Variants in TMOD1 observed in about 807,000 individuals in gnomAD.
TMOD1 encodes the protein tropomodulin 1.
Under a neutral mutation model 40.6 loss-of-function variants are expected in TMOD1, and 17 were observed. That is an observed-to-expected ratio of 0.42 (90% CI 0.29 to 0.63). The LOEUF (loss-of-function observed/expected upper bound fraction) is 0.63, where lower values mean the gene tolerates loss of function less well. Among genes scored for constraint, TMOD1 ranks in the 20% least tolerant of loss-of-function variants. TMOD1 has a pLI of 0.22. For missense variants in TMOD1, 391 were observed against 447.6 expected (o/e 0.87, Z 1.14); for synonymous variants, 181 against 175.0 (o/e 1.03, Z -0.27).
At chr9:97,532,903 C>A (rs1052882536) in intron 2 of TMOD1, among the ~76,000 whole-genome samples, 1 of 152,198 alleles carries the variant, frequency 6.6e-6, no homozygotes, top group Admixed American at 6.5e-5. Flanking sequence ...AAAGCAACAG[C>A]AAAACCAGTG....
chr9:97,546,984 AT>A (rs1830371519), intron 3 of TMOD1, among the ~76,000 whole-genome samples: 1 of 150,782 alleles, frequency 6.6e-6, no homozygotes, highest in South Asian at 2.1e-4. Context: ...AGCAGGGACC[AT>A]CCTATGCAAA....
chr9:97,518,568 C>A (rs978361604), intron 1 of TMOD1, among the ~76,000 whole-genome samples: 2 of 152,234 alleles, frequency 1.3e-5, no homozygotes, highest in Non-Finnish European at 2.9e-5. Context: ...TCTTGGGCCA[C>A]CTTGGGACCT....
At chr9:97,566,043 C>T in intron 7 of TMOD1, 88 bp downstream of exon 7, 1 of 1,167,148 alleles carries the variant, frequency 8.6e-7, no homozygotes, top group Non-Finnish European at 1.3e-6. Context: ...GGTTGTATCC[C>T]ACTAACAAAG....
intron 8 of TMOD1, among the ~76,000 whole-genome samples, chr9:97,574,961 T>G (rs1028010504): frequency 2.0e-5 from 3 of 152,112 alleles, no homozygotes; most frequent in African/African-American, 7.2e-5. Flanking sequence ...ACCAGTCGGC[T>G]CTCTGTAAAA....
At chr9:97,543,959 C>T (rs1830315466) in intron 2 of TMOD1, among the ~76,000 whole-genome samples, 1 of 152,128 alleles carries the variant, frequency 6.6e-6, no homozygotes, top group Non-Finnish European at 1.5e-5. Flanking sequence ...TCCTGATGCC[C>T]CCCACCCCAA....
At chr9:97,510,462 C>T (rs573443810) in intron 1 of TMOD1, among the ~76,000 whole-genome samples, 1 of 152,278 alleles carries the variant, frequency 6.6e-6, no homozygotes, top group East Asian at 1.9e-4. Flanking sequence ...AACTCCTGAC[C>T]TCAGGGGATC....
intron 2 of TMOD1, among the ~76,000 whole-genome samples, chr9:97,535,242 A>T (rs1486956816): frequency 6.6e-6 from 1 of 152,084 alleles, no homozygotes; most frequent in Non-Finnish European, 1.5e-5. Context: ...GAAGCAGGAA[A>T]CCAGCCAGGA....
intron 8 of TMOD1, among the ~76,000 whole-genome samples, chr9:97,586,850 C>T (rs971686184): frequency 3.9e-5 from 6 of 152,212 alleles, no homozygotes; most frequent in Non-Finnish European, 7.3e-5. Flanking sequence ...GGCAATGCCT[C>T]GCCCTGCTTC....
chr9:97,525,782 A>T (rs544309321), intron 2 of TMOD1, among the ~76,000 whole-genome samples: 1 of 152,304 alleles, frequency 6.6e-6, no homozygotes, highest in East Asian at 1.9e-4. Flanking sequence ...TTGCTCATTG[A>T]TTCAGAGTCA....
At chr9:97,586,270 C>T (rs181573272) in intron 8 of TMOD1, among the ~76,000 whole-genome samples, 5 of 152,184 alleles carry the variant, frequency 3.3e-5, no homozygotes, top group South Asian at 2.1e-4. Context: ...TGCTGTGTGA[C>T]GTGTCAGTGT....
intron 1 of TMOD1, among the ~76,000 whole-genome samples, chr9:97,508,851 G>C (rs1033090291): frequency 6.6e-6 from 1 of 152,234 alleles, no homozygotes; most frequent in Non-Finnish European, 1.5e-5. Context: ...CACTGGATTA[G>C]GGTACGTCCT....
intron 1 of TMOD1, among the ~76,000 whole-genome samples, chr9:97,509,477 T>G (rs916998208): frequency 2.6e-5 from 4 of 151,868 alleles, no homozygotes; most frequent in Admixed American, 6.6e-5. Flanking sequence ...TTGGGGGTTT[T>G]GGGTTTTTCT....
intron 2 of TMOD1, 26 bp downstream of exon 2, chr9:97,524,334 A>G (rs1223887362): frequency 6.2e-7 from 1 of 1,609,946 alleles, no homozygotes; most frequent in African/African-American, 1.3e-5. Flanking sequence ...AGGGAAGCAC[A>G]TTGTCACTAG....
At chr9:97,512,494 A>G (rs746292962) in intron 1 of TMOD1, among the ~76,000 whole-genome samples, 1 of 152,230 alleles carries the variant, frequency 6.6e-6, no homozygotes, top group Non-Finnish European at 1.5e-5. Context: ...AATACTGGAA[A>G]TAACCTAAAT....
chr9:97,546,368 A>G (rs747241806), intron 3 of TMOD1, 27 bp downstream of exon 3: 4 of 1,605,312 alleles, frequency 2.5e-6, no homozygotes, highest in Non-Finnish European at 3.4e-6. Context: ...CTGTTATAAT[A>G]TGCCACTCCC....
In TMOD1 at chr9:97,594,460, G is replaced by A. The variant is rs182894087; in HGVS notation, c.1015+3025G>A. Among the ~76,000 whole-genome samples, 62 of 152,270 alleles carry A rather than the reference G, an allele frequency of 4.1e-4. No homozygotes were observed. The East Asian group carries it at 8.9e-3, about 22-fold the overall frequency. On this transcript the variant is annotated intron_variant, in intron 9 of 9. Transcript: ENST00000259365. ...AAAAGCCTCCTGCCAGCTCCTCCTC[G>A]GGACTGAGGCTGTTAGCAGGCCTGG...
At chr9:97,555,537 C>G (rs192987502) in intron 4 of TMOD1, 1 of 1,474,818 alleles carries the variant, frequency 6.8e-7, no homozygotes, top group Non-Finnish European at 9.0e-7. Flanking sequence ...TTATCTGTAA[C>G]GACGCAATAT....
chr9:97,504,330 T>C (rs912344342), intron 1 of TMOD1, among the ~76,000 whole-genome samples: 1 of 152,074 alleles, frequency 6.6e-6, no homozygotes, highest in Admixed American at 6.5e-5. Context: ...CTTCAGGCTG[T>C]AGGCTGAAGA....
intron 8 of TMOD1, among the ~76,000 whole-genome samples, chr9:97,569,932 T>C (rs1830793401): frequency 6.6e-6 from 1 of 152,152 alleles, no homozygotes; most frequent in African/African-American, 2.4e-5. Flanking sequence ...TTCTTTTTTA[T>C]GAATGGGGAC....
Sources: allele counts gnomAD v4.1 joint callset (sites outside exome capture counted in the v4.1 genomes callset), GRCh38; gene constraint gnomAD v4.1.1; transcripts MANE v1.5; gene names NCBI Gene and HGNC (gene_info 2026-07-23, HGNC 2026-07-21).